Variants in TBC1D19 observed in about 807,000 individuals in gnomAD.
TBC1D19 encodes the protein TBC1 domain family member 19.
Under a neutral mutation model 89.0 loss-of-function variants are expected in TBC1D19, and 60 were observed. The observed-to-expected ratio is 0.67, with a 90% CI of 0.55 to 0.84. The LOEUF is 0.84. TBC1D19 is among the 40% of genes least tolerant of loss of function. The pLI, the probability that TBC1D19 is intolerant of heterozygous loss-of-function variation, is 0.00. For synonymous variants in TBC1D19, 189 were observed against 199.7 expected (o/e 0.95, Z 0.45); for missense variants, 500 against 610.8 (o/e 0.82, Z 1.91).
At chr4:26,844,900 T>C in the TBC1D19 span, among the ~76,000 whole-genome samples, 2 of 152,212 alleles carry the variant, frequency 1.3e-5, no homozygotes, top group Admixed American at 1.3e-4. Flanking sequence ...CAGTTCAGAT[T>C]GGCTGAAACA....
At position 26,673,833 on chromosome 4, in the gene TBC1D19, C is replaced by G; in HGVS notation, c.761C>G (p.Thr254Arg). The G allele has an allele frequency of 6.2e-7, 1 of 1,610,546 alleles. No individual in the cohort carries two copies. Among genetic ancestry groups the G allele is most frequent in the Non-Finnish European group, 8.5e-7 (1 of 1,177,792 alleles). Residue 254 changes from threonine to arginine, a missense_variant, in exon 11 of 21, where the codon ACG becomes AGG. Physicochemically the swap from Thr to Arg is moderately conservative, Grantham distance 71. Transcript: ENST00000264866. ...CAGTACATCAGACAAGGAAGTCCCA[C>G]GGCACTGAGAGCTGAATTGTGGGCT... ...AQQYIRQGSP[T>R]ALRAELWALI... is the part of the protein sequence containing the mutation.
upstream of TBC1D19, among the ~76,000 whole-genome samples, chr4:26,583,230 C>T (rs527967584): frequency 1.3e-5 from 2 of 151,946 alleles, no homozygotes; most frequent in South Asian, 2.1e-4. Flanking sequence ...TGCCGTTGGC[C>T]TTTGGGGATG....
the TBC1D19 span, among the ~76,000 whole-genome samples, chr4:26,829,031 A>G: frequency 6.6e-6 from 1 of 152,232 alleles, no homozygotes; most frequent in African/African-American, 2.4e-5. Context: ...CTTAAGAGCT[A>G]TGGACTTTGC....
At chr4:26,675,934 T>G (rs1303435707) in intron 11 of TBC1D19, among the ~76,000 whole-genome samples, 1 of 152,212 alleles carries the variant, frequency 6.6e-6, no homozygotes, top group East Asian at 1.9e-4. Context: ...TATGATAGGT[T>G]TAAGAAGATT....
At chr4:26,577,278 C>T (rs982667407) in intron 1 of TBC1D19, among the ~76,000 whole-genome samples, 1 of 151,846 alleles carries the variant, frequency 6.6e-6, no homozygotes, top group Non-Finnish European at 1.5e-5. Context: ...TCTCTCTTCT[C>T]TCTCGTGTGT....
chr4:26,632,304 C>A (rs1742850446), intron 4 of TBC1D19, among the ~76,000 whole-genome samples: 1 of 151,708 alleles, frequency 6.6e-6, no homozygotes, highest in African/African-American at 2.4e-5. Flanking sequence ...TACTAATAGC[C>A]TACTGTTGAC....
intron 3 of TBC1D19, among the ~76,000 whole-genome samples, chr4:26,616,420 C>T (rs1168875644): frequency 6.6e-6 from 1 of 152,108 alleles, no homozygotes; most frequent in East Asian, 1.9e-4. Flanking sequence ...TATGGAAGTG[C>T]ACATCAAGGG....
chr4:26,775,410 T>C, the TBC1D19 span, among the ~76,000 whole-genome samples: 4 of 152,168 alleles, frequency 2.6e-5, no homozygotes, highest in African/African-American at 9.7e-5. Context: ...GCTGTGATTG[T>C]GTTACCACAC....
chr4:26,748,801 T>G (rs944262938), intron 19 of TBC1D19, among the ~76,000 whole-genome samples: 4 of 152,270 alleles, frequency 2.6e-5, no homozygotes, highest in Admixed American at 2.0e-4. Context: ...TTAGTCCAGC[T>G]AGGTCTCACT....
the TBC1D19 span, among the ~76,000 whole-genome samples, chr4:26,819,697 C>T: frequency 6.6e-3 from 1,006 of 152,228 alleles, 13 homozygotes; most frequent in African/African-American, 0.023. Context: ...AGGGGCTTCC[C>T]ATCTCACTCA....
the TBC1D19 span, among the ~76,000 whole-genome samples, chr4:26,851,517 A>T: frequency 3.3e-5 from 5 of 152,180 alleles, no homozygotes; most frequent in African/African-American, 1.2e-4. Context: ...ATTACTGTGA[A>T]ATGATCTCCT....
chr4:26,760,297 TCA>T (rs987866878), downstream of TBC1D19, among the ~76,000 whole-genome samples: 1 of 152,210 alleles, frequency 6.6e-6, no homozygotes, highest in African/African-American at 2.4e-5. Flanking sequence ...GTGTGGTGGC[TCA>T]CACCTATAAT....
At chr4:26,832,477 A>C in the TBC1D19 span, among the ~76,000 whole-genome samples, 1 of 152,248 alleles carries the variant, frequency 6.6e-6, no homozygotes, top group South Asian at 2.1e-4. Context: ...AAGACAAAAG[A>C]GTAGAAACAC....
At chr4:26,580,461 T>C (rs991555708), upstream of TBC1D19, among the ~76,000 whole-genome samples, 3 of 152,142 alleles carry the variant, frequency 2.0e-5, no homozygotes, top group African/African-American at 7.2e-5. Flanking sequence ...ACTCCTGGAA[T>C]GTGAAGAGAC....
intron 11 of TBC1D19, among the ~76,000 whole-genome samples, chr4:26,676,772 C>T (rs76490205): frequency 0.019 from 2,914 of 151,662 alleles, 98 homozygotes; most frequent in African/African-American, 0.067. Context: ...AGTGTTTAAC[C>T]TCATTGACTA....
At chr4:26,652,508 T>G (rs1037142476) in intron 7 of TBC1D19, among the ~76,000 whole-genome samples, 3 of 152,186 alleles carry the variant, frequency 2.0e-5, no homozygotes, top group African/African-American at 7.2e-5. Flanking sequence ...CCCTGAGAGC[T>G]GGGATTACAG....
At chr4:26,794,006 G>T in the TBC1D19 span, among the ~76,000 whole-genome samples, 1 of 152,174 alleles carries the variant, frequency 6.6e-6, no homozygotes. Flanking sequence ...AGCTAGTCTT[G>T]AGTTACAGGC....
chr4:26,827,220 C>T, the TBC1D19 span, among the ~76,000 whole-genome samples: 10 of 152,314 alleles, frequency 6.6e-5, no homozygotes, highest in East Asian at 1.9e-3. Context: ...ACTTTATTTT[C>T]ATCTTCACTT....
At chr4:26,797,273 C>CA in the TBC1D19 span, among the ~76,000 whole-genome samples, 6 of 151,268 alleles carry the variant, frequency 4.0e-5, no homozygotes, top group South Asian at 1.0e-3. Context: ...TAACTCAATC[C>CA]AAAAAAAAGA....
Sources: allele counts gnomAD v4.1 joint callset (sites outside exome capture counted in the v4.1 genomes callset), GRCh38; gene constraint gnomAD v4.1.1; transcripts MANE v1.5; gene names NCBI Gene and HGNC (gene_info 2026-07-23, HGNC 2026-07-21).